Variants in HIPK3 observed in about 807,000 individuals in gnomAD.
HIPK3 encodes homeodomain-interacting protein kinase 3.
In HIPK3, 47 loss-of-function variants were observed where a neutral mutation model predicts 124.2. The ratio of observed to expected loss-of-function variants is 0.38; its 90% CI spans 0.30 to 0.48. The LOEUF (loss-of-function observed/expected upper bound fraction) is 0.48. Ranked by LOEUF, HIPK3 falls within the 20% of genes least tolerant of loss-of-function variation. HIPK3 has a pLI of 0.98. For missense variants in HIPK3, 1,286 were observed against 1,454.3 expected (o/e 0.88, Z 1.88); for synonymous variants, 482 against 515.2 (o/e 0.94, Z 0.87).
At chr11:33,332,886 C>G (rs1233566444) in intron 3 of HIPK3, among the ~76,000 whole-genome samples, 1 of 152,150 alleles carries the variant, frequency 6.6e-6, no homozygotes, top group Non-Finnish European at 1.5e-5. Context: ...GCATGTGCTT[C>G]TGGTGAGGGT....
intron 2 of HIPK3, among the ~76,000 whole-genome samples, chr11:33,319,140 A>G (rs1852589683): frequency 6.6e-6 from 1 of 152,236 alleles, no homozygotes; most frequent in Non-Finnish European, 1.5e-5. Context: ...TGTTTCATGT[A>G]GAACATTTTG....
intron 1 of HIPK3, among the ~76,000 whole-genome samples, chr11:33,267,214 C>T (rs1268822939): frequency 2.0e-5 from 3 of 151,474 alleles, no homozygotes; most frequent in African/African-American, 4.9e-5. Flanking sequence ...CCTCTGCCTC[C>T]TGGGTTCAAG....
At chr11:33,335,207 T>C (rs1220126855) in intron 3 of HIPK3, among the ~76,000 whole-genome samples, 1 of 152,138 alleles carries the variant, frequency 6.6e-6, no homozygotes, top group African/African-American at 2.4e-5. Flanking sequence ...AATAAGCGGT[T>C]GGGCCTGGAG....
intron 1 of HIPK3, chr11:33,258,747 C>G (rs968730634): frequency 6.1e-6 from 6 of 983,898 alleles, no homozygotes; most frequent in Non-Finnish European, 6.0e-6. Context: ...TGAGGAATTG[C>G]GCTGAAGAGT....
chr11:33,264,969 A>G (rs902898076), intron 1 of HIPK3, among the ~76,000 whole-genome samples: 1 of 152,212 alleles, frequency 6.6e-6, no homozygotes, highest in African/African-American at 2.4e-5. Context: ...TAAACTATAC[A>G]ACTTTAGATA....
At chr11:33,314,214 A>G (rs897865015) in intron 2 of HIPK3, among the ~76,000 whole-genome samples, 1 of 152,354 alleles carries the variant, frequency 6.6e-6, no homozygotes, top group South Asian at 2.1e-4. Context: ...ATAGGTTTGT[A>G]TAAGCCCCAC....
chr11:33,302,685 G>C (rs1335624102), intron 2 of HIPK3, among the ~76,000 whole-genome samples: 1 of 152,052 alleles, frequency 6.6e-6, no homozygotes, highest in Non-Finnish European at 1.5e-5. Flanking sequence ...TTCAATAAGT[G>C]ATTTCAATAA....
Position 33,348,020 on chromosome 11 carries a change from A to G in HIPK3, c.2306+7A>G, listed in dbSNP as rs746074842. The G allele has an allele frequency of 9.3e-6, 15 of 1,613,980 alleles. No individual in the cohort carries two copies. The highest frequency in any genetic ancestry group is 3.3e-5 in the Admixed American group (2 of 60,014). ...ATAAACAGTGCCAGAACAGGTTGGT[A>G]TTGGTGCTTTAGCTTTCCTCTGCAT... On this transcript the variant is annotated splice_region_variant and intron_variant, in intron 11 of 16. Transcript: ENST00000303296.
intron 8 of HIPK3, among the ~76,000 whole-genome samples, chr11:33,346,080 T>A (rs966062940): frequency 7.2e-5 from 11 of 152,204 alleles, no homozygotes; most frequent in African/African-American, 2.7e-4. Context: ...GAAATGATTT[T>A]CATTAATGTA....
chr11:33,261,197 A>C (rs1850816424), intron 1 of HIPK3, among the ~76,000 whole-genome samples: 1 of 147,452 alleles, frequency 6.8e-6, no homozygotes, highest in African/African-American at 2.5e-5. Context: ...TTATATATAA[A>C]TATATATGTA....
intron 4 of HIPK3, among the ~76,000 whole-genome samples, chr11:33,338,507 C>T (rs972326455): frequency 2.6e-5 from 4 of 152,240 alleles, no homozygotes; most frequent in Admixed American, 2.0e-4. Flanking sequence ...GCTGGGATTA[C>T]AAGCGTGAGC....
At chr11:33,311,836 C>CCACACACA in intron 2 of HIPK3, among the ~76,000 whole-genome samples, 1 of 48,990 alleles carries the variant, frequency 2.0e-5, no homozygotes, top group Non-Finnish European at 4.6e-5. Context: ...GACCCTGTTT[C>CCACACACA]TACACACACA....
At chr11:33,351,946 G>GA in intron 15 of HIPK3, 103 bp downstream of exon 15, 1 of 1,087,242 alleles carries the variant, frequency 9.2e-7, no homozygotes, top group African/African-American at 1.6e-5. Flanking sequence ...ATTTTGACTT[G>GA]ACCCTGCCTT....
chr11:33,281,115 G>T (rs990273911), intron 1 of HIPK3, among the ~76,000 whole-genome samples: 1 of 136,454 alleles, frequency 7.3e-6, no homozygotes. Context: ...TGTCGCCCAG[G>T]CTGGAGTGCA....
chr11:33,281,083 T>A lies in HIPK3; in HGVS notation c.-2-5330T>A, dbSNP rs2033698485. Among the ~76,000 whole-genome samples the A allele has an allele frequency of 2.9e-5, 3 of 102,216 alleles. No individual in the cohort carries two copies. The Admixed American group carries it at 3.3e-4, about 11-fold the overall frequency. 67.1% of individuals were successfully genotyped at this position (102,216 alleles called of 152,430 possible). A position where few individuals can be genotyped will look rare whatever the true frequency, so the allele number is the denominator to read the frequency against. On this transcript the variant is annotated intron_variant, in intron 1 of 16. Transcript: ENST00000303296. Reference sequence around the variant, plus strand: ...CTTTTTTTTTTTTTTTTTTTTTTTTTTTTTAAGGCAGAGTCTTGCTCTGTC... The same window carrying A: ...CTTTTTTTTTTTTTTTTTTTTTTTTATTTTAAGGCAGAGTCTTGCTCTGTC...
chr11:33,281,158 C>T (rs1372376255), intron 1 of HIPK3, among the ~76,000 whole-genome samples: 13 of 150,674 alleles, frequency 8.6e-5, no homozygotes, highest in Admixed American at 8.6e-4. Flanking sequence ...CAACCTCCAC[C>T]TCCTGGGTTC....
At chr11:33,288,325 G>A (rs1180932571) in intron 2 of HIPK3, among the ~76,000 whole-genome samples, 1 of 151,910 alleles carries the variant, frequency 6.6e-6, no homozygotes, top group Non-Finnish European at 1.5e-5. Flanking sequence ...TGTGGTGGTG[G>A]GTGTCTATAA....
intron 13 of HIPK3, 128 bp downstream of exon 13, chr11:33,348,946 C>A: frequency 1.0e-6 from 1 of 952,664 alleles, no homozygotes; most frequent in South Asian, 1.7e-5. Context: ...ATTAGATAAC[C>A]CAGTTCTAGA....
chr11:33,338,526 C>G (rs1386292456), intron 4 of HIPK3, among the ~76,000 whole-genome samples: 1 of 152,228 alleles, frequency 6.6e-6, no homozygotes, highest in Non-Finnish European at 1.5e-5. Context: ...GCCGCCGTGC[C>G]CGGCCTAGTT....
Sources: allele counts gnomAD v4.1 joint callset (sites outside exome capture counted in the v4.1 genomes callset), GRCh38; gene constraint gnomAD v4.1.1; transcripts MANE v1.5; gene names NCBI Gene and HGNC (gene_info 2026-07-23, HGNC 2026-07-21).